NLGN1: variants seen among roughly 807,000 people sequenced by gnomAD.
NLGN1 encodes neuroligin-1.
In NLGN1, 12 loss-of-function variants were observed where a neutral mutation model predicts 65.5. That is an observed-to-expected ratio of 0.18 (90% CI 0.12 to 0.30). The LOEUF (loss-of-function observed/expected upper bound fraction) is 0.30. Among genes scored for constraint, NLGN1 ranks in the 10% least tolerant of loss-of-function variants. The probability of loss-of-function intolerance (pLI) is 1.00; values close to 1 mark genes in which losing one functional copy is unlikely to be tolerated. For synonymous variants in NLGN1, 350 were observed against 359.5 expected (o/e 0.97, Z 0.30); for missense variants, 750 against 1,007.1 (o/e 0.74, Z 3.46).
At position 173,968,472 on chromosome 3, in the gene NLGN1, C is replaced by A. The variant is rs191255377; in HGVS notation, c.646+160640C>A. Among the ~76,000 whole-genome samples, 77 of 151,840 alleles carry A rather than the reference C, an allele frequency of 5.1e-4. 1 individual carries two copies. The East Asian group carries it at 0.014, about 27-fold the overall frequency. On this transcript the variant is annotated intron_variant, in intron 4 of 6. Transcript: ENST00000457714. Reference sequence around the variant, plus strand: ...AATTATAGTCCTATAGAATATTTAGCAGTTCTAAAAAATGAGTCAATGACC... The same window carrying A: ...AATTATAGTCCTATAGAATATTTAGAAGTTCTAAAAAATGAGTCAATGACC...
intron 4 of NLGN1, among the ~76,000 whole-genome samples, chr3:173,843,398 T>G (rs1725164707): frequency 6.6e-6 from 1 of 152,174 alleles, no homozygotes; most frequent in Middle Eastern, 3.2e-3. Context: ...CCTCAGAAAA[T>G]GGGATTTTCT....
At chr3:174,092,928 A>ATTTT (rs1406268442) in intron 4 of NLGN1, among the ~76,000 whole-genome samples, 1 of 152,156 alleles carries the variant, frequency 6.6e-6, no homozygotes, top group Non-Finnish European at 1.5e-5. Context: ...TTTCTAAGCC[A>ATTTT]TTATCAAAAT....
chr3:173,442,469 G>A (rs1291033024), intron 2 of NLGN1, among the ~76,000 whole-genome samples: 1 of 151,996 alleles, frequency 6.6e-6, no homozygotes, highest in Non-Finnish European at 1.5e-5. Flanking sequence ...AACATTCAAC[G>A]TGTGTAATAT....
rs570409032 is a variant in NLGN1 at position 173,711,746 on chromosome 3, C to T, written c.494-95934C>T. Among the ~76,000 whole-genome samples the T allele has an allele frequency of 1.2e-4, 18 of 152,220 alleles. No individual in the cohort carries two copies. The South Asian group carries it at 2.1e-3, about 18-fold the overall frequency. The stretch of plus-strand genomic sequence containing the variant: ...GCTTATGCTTGTTACTGGAATCGAT[C>T]TACTATGGTGATAATGAGTCATCAT... On this transcript the variant is annotated intron_variant, in intron 3 of 6. Transcript: ENST00000457714.
chr3:173,883,127 C>T (rs540726232), intron 4 of NLGN1, among the ~76,000 whole-genome samples: 1 of 150,120 alleles, frequency 6.7e-6, no homozygotes, highest in East Asian at 2.0e-4. Flanking sequence ...TGACTTTTAA[C>T]ATGTCTTTCT....
intron 3 of NLGN1, among the ~76,000 whole-genome samples, chr3:173,688,553 G>A (rs1765006629): frequency 6.6e-6 from 1 of 152,142 alleles, no homozygotes; most frequent in Admixed American, 6.5e-5. Context: ...CATTGAGAGA[G>A]CCCTGTTACT....
chr3:174,074,021 T>A (rs1196056294), intron 4 of NLGN1, among the ~76,000 whole-genome samples: 1 of 152,192 alleles, frequency 6.6e-6, no homozygotes, highest in African/African-American at 2.4e-5. Context: ...TCAGATACAC[T>A]AGCAGAAAGT....
At chr3:173,749,272 T>C (rs1169373020) in intron 3 of NLGN1, among the ~76,000 whole-genome samples, 2 of 152,038 alleles carry the variant, frequency 1.3e-5, no homozygotes, top group African/African-American at 4.8e-5. Context: ...CTGCTAGATT[T>C]CCAAAGTCAT....
At chr3:173,574,062 C>CAAAAAAAAAAAA (rs1192427397) in intron 2 of NLGN1, among the ~76,000 whole-genome samples, 9 of 51,870 alleles carry the variant, frequency 1.7e-4, no homozygotes, top group South Asian at 7.5e-4. Context: ...GACTCCACCT[C>CAAAAAAAAAAAA]AAAAAAAAAA....
intron 2 of NLGN1, among the ~76,000 whole-genome samples, chr3:173,442,610 A>G (rs1719412469): frequency 6.6e-6 from 1 of 152,196 alleles, no homozygotes; most frequent in Non-Finnish European, 1.5e-5. Context: ...TACTTTCAGT[A>G]ATTATTGAGT....
chr3:174,138,723 C>G (rs894996343), intron 4 of NLGN1, among the ~76,000 whole-genome samples: 3 of 152,130 alleles, frequency 2.0e-5, no homozygotes, highest in Non-Finnish European at 4.4e-5. Context: ...TGTGAGCCAC[C>G]ACAAACAGCT....
At chr3:173,516,791 G>A (rs1244631643) in intron 2 of NLGN1, among the ~76,000 whole-genome samples, 2 of 151,968 alleles carry the variant, frequency 1.3e-5, no homozygotes, top group African/African-American at 2.4e-5. Context: ...TAGGGCTTAG[G>A]AAGTGAAAGA....
At chr3:174,009,085 A>G (rs1300335173) in intron 4 of NLGN1, among the ~76,000 whole-genome samples, 2 of 152,288 alleles carry the variant, frequency 1.3e-5, no homozygotes, top group African/African-American at 4.8e-5. Context: ...ATTGGCAAAC[A>G]TGGTGTCTGG....
intron 4 of NLGN1, among the ~76,000 whole-genome samples, chr3:174,027,572 C>T (rs965837211): frequency 6.6e-6 from 1 of 151,972 alleles, no homozygotes; most frequent in African/African-American, 2.4e-5. Context: ...CAGGGAAGCA[C>T]TAATGTAATA....
intron 4 of NLGN1, among the ~76,000 whole-genome samples, chr3:174,137,540 A>G (rs1476917246): frequency 6.6e-6 from 1 of 152,096 alleles, no homozygotes; most frequent in African/African-American, 2.4e-5. Context: ...AACTTGCTGG[A>G]TTGTTGGAAA....
intron 3 of NLGN1, among the ~76,000 whole-genome samples, chr3:173,699,766 C>T (rs933469498): frequency 1.3e-5 from 2 of 152,156 alleles, no homozygotes; most frequent in African/African-American, 4.8e-5. Flanking sequence ...ATAGGAGAAG[C>T]AGCAGGTAAT....
chr3:173,465,486 A>G (rs1280326736), intron 2 of NLGN1, among the ~76,000 whole-genome samples: 1 of 152,216 alleles, frequency 6.6e-6, no homozygotes, highest in Non-Finnish European at 1.5e-5. Context: ...GGCATTTGTC[A>G]GAAAAATAAT....
intron 4 of NLGN1, among the ~76,000 whole-genome samples, chr3:173,949,641 T>A (rs1213107647): frequency 6.6e-6 from 1 of 152,156 alleles, no homozygotes; most frequent in Non-Finnish European, 1.5e-5. Context: ...AGGCATCCTA[T>A]AAACATTCAG....
At chr3:174,088,808 A>ATC in intron 4 of NLGN1, among the ~76,000 whole-genome samples, 1 of 149,946 alleles carries the variant, frequency 6.7e-6, no homozygotes, top group African/African-American at 2.5e-5. Flanking sequence ...AAATAAATAA[A>ATC]ACTAGATTAT....
Sources: allele counts gnomAD v4.1 joint callset (sites outside exome capture counted in the v4.1 genomes callset), GRCh38; gene constraint gnomAD v4.1.1; transcripts MANE v1.5; gene names NCBI Gene and HGNC (gene_info 2026-07-23, HGNC 2026-07-21).